The following HEY1 variants were observed in gnomAD, a reference collection of about 807,000 sequenced individuals.
HEY1 encodes hes related family bHLH transcription factor with YRPW motif 1, also known as hairy/enhancer-of-split related with YRPW motif protein 1.
A neutral mutation model predicts 28.7 loss-of-function variants in HEY1; 9 were observed. The ratio of observed to expected loss-of-function variants is 0.31; its 90% confidence interval spans 0.19 to 0.55. The LOEUF is 0.55. HEY1 is among the 20% of genes least tolerant of loss of function. The probability of loss-of-function intolerance (pLI) is 0.93; values close to 1 mark genes in which losing one functional copy is unlikely to be tolerated. For synonymous variants in HEY1, 213 were observed against 175.6 expected (o/e 1.21, Z -1.68); for missense variants, 385 against 399.4 (o/e 0.96, Z 0.31).
intron 2 of HEY1, 26 bp downstream of exon 2, chr8:79,767,189 AAAAT>A (rs770586080): frequency 6.3e-7 from 1 of 1,595,730 alleles, no homozygotes; most frequent in Non-Finnish European, 8.6e-7. Flanking sequence ...ATCAATAACA[AAAAT>A]AAAAGGAGAG....
Position 79,765,162 on chromosome 8 carries a change from C to T in HEY1, c.*26G>A, listed in dbSNP as rs1304203836. The T allele has an allele frequency of 2.0e-6, 3 of 1,477,062 alleles. No homozygotes were observed. In the African/African-American group the frequency reaches 4.2e-5, roughly 21 times the overall value. The allele number at this position is 1,477,062 out of a possible 1,614,324, so 91.5% of individuals were successfully genotyped here. A position where few individuals can be genotyped will look rare whatever the true frequency, so the allele number is the denominator to read the frequency against. On this transcript the variant is annotated 3_prime_UTR_variant, in exon 5 of 5. Coordinates refer to ENST00000354724, the MANE Select transcript of HEY1 (RefSeq NM_012258.4). ...CAGCCCAGCTGGGATTTTAAACTTTCCCCTCCCTCATTCTACATCAGTTCT... is the reference window on the plus strand; with the variant it reads ...CAGCCCAGCTGGGATTTTAAACTTTTCCCTCCCTCATTCTACATCAGTTCT...
rs992116945 is a variant in HEY1, at chr8:79,767,616, G to T, written c.48C>A (p.Asp16Glu). 6.2e-7 allele frequency: 1 copy of T among 1,610,562 alleles called. No individual in the cohort carries two copies. The highest frequency in any genetic ancestry group is 8.5e-7 in the Non-Finnish European group (1 of 1,178,896). The change falls in exon 1 of 5, where the codon GAC (aspartate) becomes GAA (glutamate). Residue 16 changes from aspartate to glutamate, a missense_variant. Asp to Glu is a conservative substitution (Grantham distance 45). Transcript: ENST00000354724. Reference protein sequence around the residue: ...PEYSSSDSELDETIEVEKESA... With the variant: ...PEYSSSDSELEETIEVEKESA... ...TCTCCTTCTCCACCTCGATGGTCTC[G>T]TCCAGCTCGCTGTCCGAGGAGCTGT...
chr8:79,767,629 T>G lies in HEY1; in HGVS notation c.35A>C (p.Asp12Ala). 2 of 1,609,946 alleles carry G rather than the reference T, an allele frequency of 1.2e-6. No individual in the cohort carries two copies. The highest frequency in any genetic ancestry group is 1.7e-6 in the Non-Finnish European group (2 of 1,178,760). The change falls in exon 1 of 5, where the codon GAC (aspartate) becomes GCC (alanine). Residue 12 changes from aspartate to alanine, a missense_variant. Around this residue, in one of 3 missense-constraint regions of HEY1, gnomAD observed 79 missense variants for 60.7 expected, o/e 1.30. Coordinates refer to ENST00000354724, the MANE Select transcript of HEY1 (RefSeq NM_012258.4). ...KRAHPEYSSS[D>A]SELDETIEVE... ...CTCGATGGTCTCGTCCAGCTCGCTG[T>G]CCGAGGAGCTGTACTCGGGGTGAGC...
rs1051442662 is a variant in HEY1, at chr8:79,764,384, T to G, written c.*804A>C. On this transcript the variant is annotated 3_prime_UTR_variant, in exon 5 of 5. Coordinates refer to ENST00000354724, the MANE Select transcript of HEY1 (RefSeq NM_012258.4). Reference sequence around the variant, plus strand: ...AATTTGAGATCCGTGTGATTAAAAATTCTTTGTGTTGCTGGGGCTGGTAAA... The same window carrying G: ...AATTTGAGATCCGTGTGATTAAAAAGTCTTTGTGTTGCTGGGGCTGGTAAA... 8.8e-6 allele frequency: 2 copies of G among 226,612 alleles called. No homozygotes were observed. Among genetic ancestry groups the G allele is most frequent in the African/African-American group, 2.2e-5 (1 of 44,990 alleles). 14.0% of individuals were successfully genotyped at this position (226,612 alleles called of 1,614,324 possible).
At position 79,767,002 on chromosome 8, in the gene HEY1, C is replaced by T. The variant is rs1807859663; in HGVS notation, c.249+7G>A. The T allele has an allele frequency of 1.2e-6, 2 of 1,610,836 alleles. No homozygotes were observed. The highest frequency in any genetic ancestry group is 1.3e-5 in the African/African-American group (1 of 74,850). ...ATGCTGAGAGCTTTACCTACTTGCT[C>T]CATTACCTGCTTCTCAAAAGCACTG... On this transcript the variant is annotated splice_region_variant and intron_variant, in intron 3 of 4. Coordinates refer to ENST00000354724, the MANE Select transcript of HEY1 (RefSeq NM_012258.4).
intron 4 of HEY1, chr8:79,766,366 C>T: frequency 4.8e-6 from 7 of 1,472,670 alleles, no homozygotes; most frequent in Non-Finnish European, 6.2e-6. Context: ...GTGAAAGCTA[C>T]CTGATCTGAA....
chr8:79,765,176 T>C lies in HEY1; in HGVS notation c.*12A>G, dbSNP rs1182831206. 1.3e-6 allele frequency: 2 copies of C among 1,529,258 alleles called. No individual in the cohort carries two copies. The highest frequency in any genetic ancestry group is 2.5e-5 in the East Asian group (1 of 40,684). The allele number at this position is 1,529,258 out of a possible 1,614,324, so 94.7% of individuals were successfully genotyped here. On this transcript the variant is annotated 3_prime_UTR_variant, in exon 5 of 5. Coordinates refer to ENST00000354724, the MANE Select transcript of HEY1 (RefSeq NM_012258.4). Reference sequence around the variant, plus strand: ...TTTTAAACTTTCCCCTCCCTCATTCTACATCAGTTCTTTAAAAAGCTCCGA... The same window carrying C: ...TTTTAAACTTTCCCCTCCCTCATTCCACATCAGTTCTTTAAAAAGCTCCGA...
chr8:79,765,330 A>G lies in HEY1; in HGVS notation c.773T>C (p.Val258Ala). 1.3e-6 allele frequency: 2 copies of G among 1,570,380 alleles called. No homozygotes were observed. The highest frequency in any genetic ancestry group is 2.3e-5 in the East Asian group (1 of 43,024). Residue 258 changes from valine (V) to alanine (A), a missense_variant, in exon 5 of 5, where the codon GTG becomes GCG. Around this residue, in one of 3 missense-constraint regions of HEY1, gnomAD observed 223 missense variants for 215.9 expected, o/e 1.03. Coordinates refer to ENST00000354724, the MANE Select transcript of HEY1 (RefSeq NM_012258.4). Reference protein sequence around the residue: ...SKLSPPLLSSVASLSAFPFSF... With the variant: ...SKLSPPLLSSAASLSAFPFSF... ...GAAGGGGAAGGCCGACAGGGAGGCC[A>G]CTGAGGAGAGCAGAGGCGGCGACAG...
intron 4 of HEY1, 162 bp downstream of exon 4, chr8:79,766,489 T>C (rs1339196360): frequency 8.0e-6 from 12 of 1,507,500 alleles, no homozygotes; most frequent in East Asian, 2.3e-5. Flanking sequence ...GAAGATTCTA[T>C]GTGCATTCGA....
Position 79,764,629 on chromosome 8 carries a change from G to A in HEY1, c.*559C>T, listed in dbSNP as rs1807782000. 1 of 223,888 alleles carries A rather than the reference G, an allele frequency of 4.5e-6. No homozygotes were observed. Among genetic ancestry groups the A allele is most frequent in the South Asian group, 1.8e-4 (1 of 5,460 alleles). 13.9% of individuals were successfully genotyped at this position (223,888 alleles called of 1,614,324 possible). A position where few individuals can be genotyped will look rare whatever the true frequency, so the allele number is the denominator to read the frequency against. ...CTAGTCTTCTTTCTTGGATAAAGCT[G>A]ATCATCTGATTTGTCAACGCTTTGC... On this transcript the variant is annotated 3_prime_UTR_variant, in exon 5 of 5. Transcript: ENST00000354724.
rs551553803 is a variant in HEY1, at chr8:79,765,850, T to C, written c.332-79A>G. 49 of 1,251,244 alleles carry C rather than the reference T, an allele frequency of 3.9e-5. No individual in the cohort carries two copies. In the African/African-American group the frequency reaches 6.9e-4, roughly 18 times the overall value. 77.5% of individuals were successfully genotyped at this position (1,251,244 alleles called of 1,614,324 possible). A position where few individuals can be genotyped will look rare whatever the true frequency, so the allele number is the denominator to read the frequency against. On this transcript the variant is annotated intron_variant, in intron 4 of 4. Transcript: ENST00000354724. Reference sequence around the variant, plus strand: ...CTTAAGTCCCAGAGACAGCCCTTCCTGGCAGATACCTGCATCCCTTAAAAC... The same window carrying C: ...CTTAAGTCCCAGAGACAGCCCTTCCCGGCAGATACCTGCATCCCTTAAAAC...
In HEY1 at chr8:79,767,725, G is replaced by C; in HGVS notation, c.-62C>G. 1 of 1,230,940 alleles carries C rather than the reference G, an allele frequency of 8.1e-7. No homozygotes were observed. The highest frequency in any genetic ancestry group is 1.2e-6 in the Non-Finnish European group (1 of 864,652). The allele number at this position is 1,230,940 out of a possible 1,614,324, so 76.3% of individuals were successfully genotyped here. A position where few individuals can be genotyped will look rare whatever the true frequency, so the allele number is the denominator to read the frequency against. ...GGCGGGCAGGGAGGAGTTAACTACA[G>C]CGGCGCCTCTCCGCTCTCGGCTGCT... is the stretch of plus-strand genomic sequence containing the variant. On this transcript the variant is annotated 5_prime_UTR_variant, in exon 1 of 5. Coordinates refer to ENST00000354724, the MANE Select transcript of HEY1 (RefSeq NM_012258.4).
intron 1 of HEY1, 55 bp from the exon 2 acceptor site, chr8:79,767,349 G>A (rs1807871582): frequency 2.0e-6 from 3 of 1,504,076 alleles, no homozygotes; most frequent in Non-Finnish European, 1.8e-6. Flanking sequence ...ACGAGGAGAG[G>A]TGATCTGAGA....
At chr8:79,767,388 G>A (rs1807872423) in intron 1 of HEY1, 94 bp from the exon 2 acceptor site, 4 of 1,247,514 alleles carry the variant, frequency 3.2e-6, no homozygotes, top group Non-Finnish European at 4.6e-6. Context: ...CCCGCACTCA[G>A]ACTTTTTTTG....
Position 79,764,462 on chromosome 8 carries a change from A to C in HEY1, c.*726T>G, listed in dbSNP as rs926101062. ...CAGTTTCCTTTCCACCAACACTCCAAATGAGACCTAACCTATCAGCGGCTC... is the reference window on the plus strand; with the variant it reads ...CAGTTTCCTTTCCACCAACACTCCACATGAGACCTAACCTATCAGCGGCTC... On this transcript the variant is annotated 3_prime_UTR_variant, in exon 5 of 5. Coordinates refer to ENST00000354724, the MANE Select transcript of HEY1 (RefSeq NM_012258.4). The C allele has an allele frequency of 1.3e-5, 3 of 226,652 alleles. No individual in the cohort carries two copies. Among genetic ancestry groups the C allele is most frequent in the African/African-American group, 6.7e-5 (3 of 44,948 alleles). The allele number at this position is 226,652 out of a possible 1,614,324, so 14.0% of individuals were successfully genotyped here.
In HEY1 at chr8:79,764,690, C is replaced by G. The variant is rs1016634982; in HGVS notation, c.*498G>C. 25 of 221,742 alleles carry G rather than the reference C, an allele frequency of 1.1e-4. No homozygotes were observed. In the East Asian group the frequency reaches 1.6e-3, roughly 14 times the overall value. 13.7% of individuals were successfully genotyped at this position (221,742 alleles called of 1,614,324 possible). ...AAAATTCAATATAGTTCCCCTCCCC[C>G]CAAAAGAATATTATTTATACAACAC... On this transcript the variant is annotated 3_prime_UTR_variant, in exon 5 of 5. Transcript: ENST00000354724.
chr8:79,765,381 A>G lies in HEY1; in HGVS notation c.722T>C (p.Leu241Pro). 1 of 1,597,268 alleles carries G rather than the reference A, an allele frequency of 6.3e-7. No homozygotes were observed. The highest frequency in any genetic ancestry group is 8.5e-7 in the Non-Finnish European group (1 of 1,171,900). The change falls in exon 5 of 5, where the codon CTC (leucine) becomes CCC (proline). Residue 241 changes from leucine to proline, a missense_variant. By Grantham distance (98) the Leu-to-Pro change is moderately conservative. Around this residue, in one of 3 missense-constraint regions of HEY1, gnomAD observed 223 missense variants for 215.9 expected, o/e 1.03. Coordinates refer to ENST00000354724, the MANE Select transcript of HEY1 (RefSeq NM_012258.4). ...TTTGGAGGCGGAGGTGACCACAGGG[A>G]GCACCGGTCCGAGGCTGCCGCTAGG... ...APPSGSLGPV[L>P]PVVTSASKLS...
chr8:79,766,351 C>G (rs951493313), intron 4 of HEY1: 1 of 1,485,636 alleles, frequency 6.7e-7, no homozygotes. Context: ...TAGCAATGGA[C>G]AAATGTGAAA....
Position 79,765,539 on chromosome 8 carries a change from C to T in HEY1, c.564G>A (p.Pro188=), listed in dbSNP as rs1363373544. 5 of 1,613,758 alleles carry T rather than the reference C, an allele frequency of 3.1e-6. No individual in the cohort carries two copies. The African/African-American group carries it at 5.3e-5, about 17-fold the overall frequency. The change falls in exon 5 of 5, where the codon CCG becomes CCA. Residue 188 remains proline, a synonymous_variant. Transcript: ENST00000354724. ...GCAGCAACAGCGGGTGCGCGATGTG[C>T]GGGTGATGTCCGAAGACGGTCCCCC... The part of the protein sequence containing the change: ...IPWGTVFGHH[P]HIAHPLLLPQ...
Sources: gnomAD v4.1 joint callset for allele counts on GRCh38, gnomAD v4.1.1 for gene constraint, gnomAD v4.1.1 regional missense constraint, MANE v1.5 for transcripts, NCBI Gene and HGNC (gene_info 2026-07-23, HGNC 2026-07-21) for gene names.